The following DCUN1D5 variants were observed in gnomAD, a reference collection of about 807,000 sequenced individuals.
DCUN1D5 encodes the protein defective in cullin neddylation 1 domain containing 5, also known as DCN1-like protein 5.
A neutral mutation model predicts 38.3 loss-of-function variants in DCUN1D5; 10 were observed. The observed-to-expected ratio is 0.26, with a 90% confidence interval of 0.16 to 0.44. DCUN1D5 has a LOEUF of 0.44. DCUN1D5 is among the 20% of genes least tolerant of loss of function. The probability of loss-of-function intolerance (pLI) is 1.00; values close to 1 mark genes in which losing one functional copy is unlikely to be tolerated. For missense variants in DCUN1D5, 148 were observed against 275.3 expected (o/e 0.54, Z 3.27); for synonymous variants, 93 against 90.9 (o/e 1.02, Z -0.13).
In DCUN1D5 at chr11:103,063,773, C is replaced by T. The variant is rs775440552; in HGVS notation, c.658+502G>A. 4.6e-5 allele frequency among the ~76,000 whole-genome samples: 7 copies of T among 152,068 alleles called. No individual in the cohort carries two copies. The highest frequency in any genetic ancestry group is 9.7e-5 in the African/African-American group (4 of 41,422). On this transcript the variant is annotated intron_variant, in intron 7 of 7. Coordinates refer to ENST00000260247, the MANE Select transcript of DCUN1D5 (RefSeq NM_032299.4). This position sits in a 1 kb window ranked among gnomAD's most constrained non-coding sequence, Gnocchi z 4.6. ...AGTATGGACAGATATTTTAACTTGA[C>T]GGATTGAAAAATTATAACTATTTCA...
chr11:103,073,917 T>C lies in DCUN1D5; in HGVS notation c.342-7350A>G, dbSNP rs1488213142. 1.3e-5 allele frequency among the ~76,000 whole-genome samples: 2 copies of C among 151,696 alleles called. No homozygotes were observed. Among genetic ancestry groups the C allele is most frequent in the Admixed American group, 6.6e-5 (1 of 15,232 alleles). ...GTGAAATCCTGTCACTACTAAAAAATAGAAAAATTAGCCAGGTATGGTGGC... is the reference window on the plus strand; with the variant it reads ...GTGAAATCCTGTCACTACTAAAAAACAGAAAAATTAGCCAGGTATGGTGGC... On this transcript the variant is annotated intron_variant, in intron 4 of 7. Coordinates refer to ENST00000260247, the MANE Select transcript of DCUN1D5 (RefSeq NM_032299.4). The surrounding 1 kb of genome is among the most constrained non-coding windows in gnomAD (Gnocchi z 4.2).
chr11:103,064,491 C>T lies in DCUN1D5; in HGVS notation c.556-114G>A. The T allele has an allele frequency of 1.4e-6, 1 of 723,290 alleles. No homozygotes were observed. Among genetic ancestry groups the T allele is most frequent in the Non-Finnish European group, 2.1e-6 (1 of 473,630 alleles). 44.8% of individuals were successfully genotyped at this position (723,290 alleles called of 1,614,324 possible). On this transcript the variant is annotated intron_variant, in intron 6 of 7. Transcript: ENST00000260247. This position sits in a 1 kb window ranked among gnomAD's most constrained non-coding sequence, Gnocchi z 4.5. Reference sequence around the variant, plus strand: ...GATTTGGTTTTTTCTAAAACATTTACTATTTTTTTAATTATTTGTGTTTCT... The same window carrying T: ...GATTTGGTTTTTTCTAAAACATTTATTATTTTTTTAATTATTTGTGTTTCT...
intron 2 of DCUN1D5, among the ~76,000 whole-genome samples, chr11:103,084,693 T>C (rs142600612): frequency 3.3e-5 from 5 of 152,234 alleles, no homozygotes; most frequent in Admixed American, 1.3e-4. Context: ...AAAATCAGAT[T>C]TGAAAATTTA....
intron 1 of DCUN1D5, among the ~76,000 whole-genome samples, chr11:103,090,676 G>T (rs1247973466): frequency 6.6e-6 from 1 of 152,198 alleles, no homozygotes; most frequent in East Asian, 1.9e-4. Context: ...ACTTTGGGAG[G>T]CCGAGGCGGG....
Position 103,087,320 on chromosome 11 carries a change from A to G in DCUN1D5, c.178+1907T>C, listed in dbSNP as rs1227204251. Among the ~76,000 whole-genome samples, 3 of 151,450 alleles carry G rather than the reference A, an allele frequency of 2.0e-5. No homozygotes were observed. Among genetic ancestry groups the G allele is most frequent in the Admixed American group, 6.6e-5 (1 of 15,224 alleles). Reference sequence around the variant, plus strand: ...CAAGTAGCTGGGACTACAGGCGCACACCACCACGCCCGGCTAATTGTTTGT... The same window carrying G: ...CAAGTAGCTGGGACTACAGGCGCACGCCACCACGCCCGGCTAATTGTTTGT... On this transcript the variant is annotated intron_variant, in intron 2 of 7. Transcript: ENST00000260247. The surrounding 1 kb of genome is among the most constrained non-coding windows in gnomAD (Gnocchi z 4.1).
rs1484862812 is a variant in DCUN1D5 at position 103,065,135 on chromosome 11, C to G, written c.556-758G>C. Among the ~76,000 whole-genome samples, 1 of 151,546 alleles carries G rather than the reference C, an allele frequency of 6.6e-6. No homozygotes were observed. Among genetic ancestry groups the G allele is most frequent in the African/African-American group, 2.4e-5 (1 of 41,224 alleles). ...ATGCGTAAAACTCATTCATGTAAGA[C>G]CTTTTCATATCATTGTCTCTTTTTT... On this transcript the variant is annotated intron_variant, in intron 6 of 7. Transcript: ENST00000260247. This position sits in a 1 kb window ranked among gnomAD's most constrained non-coding sequence, Gnocchi z 4.6.
At position 103,053,168 on chromosome 11, in the gene DCUN1D5, C is replaced by A; in HGVS notation, c.*9191G>T. On this transcript the variant is annotated 3_prime_UTR_variant, in exon 8 of 8. Transcript: ENST00000260247. The surrounding 1 kb of genome is among the most constrained non-coding windows in gnomAD (Gnocchi z 4.8). ...CTCTTTTTTAAAAATAGAGTCCTTC[C>A]TATGAAGTCAAACCAATCCACTTTT... is the stretch of plus-strand genomic sequence containing the variant. 6.6e-6 allele frequency: 1 copy of A among 151,934 alleles called. No individual in the cohort carries two copies. Among genetic ancestry groups the A allele is most frequent in the Non-Finnish European group, 1.5e-5 (1 of 67,928 alleles). The allele number at this position is 151,934 out of a possible 1,614,324, so 9.4% of individuals were successfully genotyped here.
At chr11:103,072,627 T>C (rs1862306007) in intron 4 of DCUN1D5, among the ~76,000 whole-genome samples, 1 of 151,974 alleles carries the variant, frequency 6.6e-6, no homozygotes, top group African/African-American at 2.4e-5. Context: ...GGGATGAAGC[T>C]AGAAACCATC....
At chr11:103,075,570 CG>C (rs1207733329) in intron 4 of DCUN1D5, among the ~76,000 whole-genome samples, 1 of 152,200 alleles carries the variant, frequency 6.6e-6, no homozygotes, top group Admixed American at 6.5e-5. Flanking sequence ...TTAGTAGAGA[CG>C]GGGTTTCACC....
At position 103,060,472 on chromosome 11, in the gene DCUN1D5, A is replaced by C. The variant is rs553058340; in HGVS notation, c.*1887T>G. Among the ~76,000 whole-genome samples, 28 of 152,138 alleles carry C rather than the reference A, an allele frequency of 1.8e-4. No homozygotes were observed. The highest frequency in any genetic ancestry group is 6.3e-4 in the African/African-American group (26 of 41,496). On this transcript the variant is annotated 3_prime_UTR_variant, in exon 8 of 8. Transcript: ENST00000260247. ...GGATGCGACACCTACATACACGGGGAGGGCTGACTTTTTATACAGGCAGGT... is the reference window on the plus strand; with the variant it reads ...GGATGCGACACCTACATACACGGGGCGGGCTGACTTTTTATACAGGCAGGT...
intron 4 of DCUN1D5, among the ~76,000 whole-genome samples, chr11:103,079,023 G>A (rs1480942152): frequency 1.3e-5 from 2 of 152,226 alleles, no homozygotes; most frequent in Non-Finnish European, 2.9e-5. Context: ...AAACCAGGCT[G>A]TATAGCAGGA....
chr11:103,068,403 A>G (rs1862187644), intron 4 of DCUN1D5, among the ~76,000 whole-genome samples: 1 of 152,184 alleles, frequency 6.6e-6, no homozygotes, highest in African/African-American at 2.4e-5. Flanking sequence ...ACTATTCACA[A>G]TAGCAAAGAC....
In DCUN1D5 at chr11:103,077,773, A is replaced by C. The variant is rs1480674726; in HGVS notation, c.341+4975T>G. ...TGTGTAACACGAAGAATTGTGTCACAAAGTTCTGGATTTAGAACTTCCTCT... is the reference window on the plus strand; with the variant it reads ...TGTGTAACACGAAGAATTGTGTCACCAAGTTCTGGATTTAGAACTTCCTCT... On this transcript the variant is annotated intron_variant, in intron 4 of 7. Transcript: ENST00000260247. This position sits in a 1 kb window ranked among gnomAD's most constrained non-coding sequence, Gnocchi z 4.3. Among the ~76,000 whole-genome samples, 2 of 152,260 alleles carry C rather than the reference A, an allele frequency of 1.3e-5. No homozygotes were observed. Among genetic ancestry groups the C allele is most frequent in the Non-Finnish European group, 2.9e-5 (2 of 68,044 alleles).
intron 4 of DCUN1D5, among the ~76,000 whole-genome samples, chr11:103,081,363 T>C (rs1862560640): frequency 6.6e-6 from 1 of 152,216 alleles, no homozygotes; most frequent in African/African-American, 2.4e-5. Context: ...TTGCATATTC[T>C]TTTGTATATT....
chr11:103,089,296 C>T lies in DCUN1D5; in HGVS notation c.109G>A (p.Ala37Thr). ...TGTTCCTCTCCACTTATTAGTCTAG[C>T]AGGGGGTTGGGATCTGCAATAGCTT... ...ISSYCRSQPP[A>T]RLISGEEHFS... Residue 37 changes from alanine to threonine, a missense_variant, in exon 2 of 8, where the codon GCT (alanine) becomes ACT (threonine). Physicochemically the swap from Ala to Thr is moderately conservative, Grantham distance 58. Coordinates refer to ENST00000260247, the MANE Select transcript of DCUN1D5 (RefSeq NM_032299.4). 3 of 1,610,178 alleles carry T rather than the reference C, an allele frequency of 1.9e-6. No homozygotes were observed. Among genetic ancestry groups the T allele is most frequent in the Non-Finnish European group, 2.5e-6 (3 of 1,177,324 alleles).
At chr11:103,082,454 A>G (rs748521265) in intron 4 of DCUN1D5, among the ~76,000 whole-genome samples, 1 of 152,110 alleles carries the variant, frequency 6.6e-6, no homozygotes, top group Non-Finnish European at 1.5e-5. Flanking sequence ...CTTATACTCA[A>G]ACAACCTGTA....
chr11:103,064,609 C>A lies in DCUN1D5; in HGVS notation c.556-232G>T, dbSNP rs753830171. On this transcript the variant is annotated intron_variant, in intron 6 of 7. Coordinates refer to ENST00000260247, the MANE Select transcript of DCUN1D5 (RefSeq NM_032299.4). This position sits in a 1 kb window ranked among gnomAD's most constrained non-coding sequence, Gnocchi z 4.5. The stretch of plus-strand genomic sequence containing the variant: ...GAATAATAAGAGCACTGAGTACTAA[C>A]AGTAAGGATAAAACTAACTTTTTCA... Among the ~76,000 whole-genome samples, 9 of 151,804 alleles carry A rather than the reference C, an allele frequency of 5.9e-5. No homozygotes were observed. Among genetic ancestry groups the A allele is most frequent in the Non-Finnish European group, 1.2e-4 (8 of 67,958 alleles).
In DCUN1D5 at chr11:103,063,038, T is replaced by C. The variant is rs966870908; in HGVS notation, c.659-624A>G. 2.0e-5 allele frequency among the ~76,000 whole-genome samples: 3 copies of C among 152,176 alleles called. No homozygotes were observed. The highest frequency in any genetic ancestry group is 2.1e-4 in the South Asian group (1 of 4,834). On this transcript the variant is annotated intron_variant, in intron 7 of 7. Transcript: ENST00000260247. This position sits in a 1 kb window ranked among gnomAD's most constrained non-coding sequence, Gnocchi z 4.6. ...AAAAAATCACCGCCACAAAGAAATATGCTTGCTTTATTCTTCTTAAAACAC... is the reference window on the plus strand; with the variant it reads ...AAAAAATCACCGCCACAAAGAAATACGCTTGCTTTATTCTTCTTAAAACAC...
rs1862888248 is a variant in DCUN1D5, at chr11:103,092,068, C to T, written c.-196G>A. 6.8e-6 allele frequency: 4 copies of T among 585,466 alleles called. No individual in the cohort carries two copies. Among genetic ancestry groups the T allele is most frequent in the Admixed American group, 3.1e-5 (1 of 32,126 alleles). 36.3% of individuals were successfully genotyped at this position (585,466 alleles called of 1,614,324 possible). ...CCTCGTCGTCTTTCTCTGACCGGGA[C>T]AGGGCTGGCTCCTCGCCGGTGGACA... On this transcript the variant is annotated 5_prime_UTR_variant, in exon 1 of 8. Transcript: ENST00000260247.
Sources: gnomAD v4.1 joint callset for allele counts (sites outside exome capture counted in the v4.1 genomes callset) on GRCh38, gnomAD v4.1.1 for gene constraint, Gnocchi (gnomAD v3.1) non-coding constraint, MANE v1.5 for transcripts, NCBI Gene and HGNC (gene_info 2026-07-23, HGNC 2026-07-21) for gene names.